Variants in PMS2 observed in about 807,000 individuals in gnomAD.
PMS2 encodes the protein mismatch repair endonuclease PMS2.
Under a neutral mutation model 90.0 loss-of-function variants are expected in PMS2, and 69 were observed. The observed-to-expected ratio is 0.77, with a 90% confidence interval of 0.63 to 0.94. The LOEUF (loss-of-function observed/expected upper bound fraction) is 0.94, where lower values mean the gene tolerates loss of function less well. Ranked by LOEUF, PMS2 falls within the 40% of genes least tolerant of loss-of-function variation. PMS2 has a pLI of 0.00. For synonymous variants in PMS2, 332 were observed against 375.1 expected, an observed-to-expected ratio of 0.89 and a Z score of 1.33; for missense variants, 966 against 1,040.2, an observed-to-expected ratio of 0.93 and a Z score of 0.98.
chr7:6,006,719 G>A (rs938889644), intron 1 of PMS2, among the ~76,000 whole-genome samples: 10 of 152,148 alleles, frequency 6.6e-5, no homozygotes, highest in South Asian at 2.1e-4. Context: ...CAATGTTTAA[G>A]TCAAAATCAT....
chr7:5,994,103 C>T (rs1429089347), intron 8 of PMS2, among the ~76,000 whole-genome samples: 3 of 151,964 alleles, frequency 2.0e-5, no homozygotes, highest in African/African-American at 4.8e-5. Context: ...TATACAGAGG[C>T]CAGGCGCGGT....
intron 8 of PMS2, among the ~76,000 whole-genome samples, chr7:5,993,862 CAAAAAAAA>C (rs61677497): frequency 1.5e-4 from 6 of 38,940 alleles, no homozygotes; most frequent in Non-Finnish European, 2.4e-4. Context: ...GACTCTGTCT[CAAAAAAAA>C]AAAAAAAAAA....
At chr7:5,990,238 C>A (rs1255455965) in intron 9 of PMS2, among the ~76,000 whole-genome samples, 1 of 152,188 alleles carries the variant, frequency 6.6e-6, no homozygotes, top group Non-Finnish European at 1.5e-5. Flanking sequence ...GAACTCACAA[C>A]CTCAAGTGAT....
chr7:5,995,510 C>CAAA, intron 8 of PMS2, 24 bp downstream of exon 8: 1 of 1,516,700 alleles, frequency 6.6e-7, no homozygotes. Context: ...AAAGAACAAA[C>CAAA]TAACACAAAA....
chr7:5,978,961 G>T (rs80044764), intron 12 of PMS2, among the ~76,000 whole-genome samples: 1 of 148,884 alleles, frequency 6.7e-6, no homozygotes, highest in Non-Finnish European at 1.5e-5. Flanking sequence ...TTAGGAGCCC[G>T]AGGCAGGCAG....
Position 6,003,732 on chromosome 7 carries a change from A to G in PMS2, c.311T>C (p.Phe104Ser), listed in dbSNP as rs876660295. The G allele has an allele frequency of 1.2e-6, 2 of 1,601,422 alleles. No individual in the cohort carries two copies. The highest frequency in any genetic ancestry group is 1.7e-6 in the Non-Finnish European group (2 of 1,179,340). Residue 104 changes from phenylalanine to serine, a missense_variant, in exon 4 of 15, where the codon TTT becomes TCT. This residue lies in a region of PMS2 where 871 missense variants were observed against 802.4 expected (regional missense o/e 1.09). Coordinates refer to ENST00000265849, the MANE Select transcript of PMS2 (RefSeq NM_000535.7). ...GCTCAGAGCTTCCCCCCGAAAGCCA[A>G]AAGTTTCAACCTGAGTTAGGTCGGC... Reference protein sequence around the residue: ...EFADLTQVETFGFRGEALSSL... With the variant: ...EFADLTQVETSGFRGEALSSL...
chr7:5,982,141 G>A (rs1782346218), intron 12 of PMS2, among the ~76,000 whole-genome samples: 1 of 150,982 alleles, frequency 6.6e-6, no homozygotes. Flanking sequence ...TCAGTCTCCT[G>A]AGTAGCTGGA....
chr7:5,990,340 C>A lies in PMS2; in HGVS notation c.989-385G>T, dbSNP rs567942040. Among the ~76,000 whole-genome samples, 3 of 152,294 alleles carry A rather than the reference C, an allele frequency of 2.0e-5. No homozygotes were observed. In the East Asian group the frequency reaches 5.8e-4, roughly 29 times the overall value. ...CTTTTAACAATAGAAATTTCCCCAT[C>A]TATTATTTCATTCACTTGTATTTAT... is the stretch of plus-strand genomic sequence containing the variant. On this transcript the variant is annotated intron_variant, in intron 9 of 14. Transcript: ENST00000265849.
At position 6,002,497 on chromosome 7, in the gene PMS2, T is replaced by C. The variant is rs1554303902; in HGVS notation, c.493A>G (p.Thr165Ala). 1.2e-6 allele frequency: 2 copies of C among 1,611,724 alleles called. No individual in the cohort carries two copies. The highest frequency in any genetic ancestry group is 1.1e-5 in the South Asian group (1 of 90,976). ...TTVSVQQLFS[T>A]LPVRHKEFQR... ...AATTCCTTATGGCGCACAGGTAGTGTGGAAAATAACTGCTGCACGCTGACT... is the reference window on the plus strand; with the variant it reads ...AATTCCTTATGGCGCACAGGTAGTGCGGAAAATAACTGCTGCACGCTGACT... The change falls in exon 5 of 15, where the codon ACA becomes GCA. Residue 165 changes from threonine (T) to alanine (A), a missense_variant. Physicochemically the swap from Thr to Ala is moderately conservative, Grantham distance 58. This residue lies in a region of PMS2 where 871 missense variants were observed against 802.4 expected (regional missense o/e 1.09). Transcript: ENST00000265849.
intron 6 of PMS2, 116 bp downstream of exon 6, chr7:5,998,988 TCAAA>T: frequency 1.1e-6 from 1 of 922,326 alleles, no homozygotes; most frequent in African/African-American, 2.6e-5. Flanking sequence ...AGACTCCCTC[TCAAA>T]AAAAAAAAAA....
rs1171876110 is a variant in PMS2 at position 5,985,003 on chromosome 7, C to A, written c.2006+1756G>T. Among the ~76,000 whole-genome samples the A allele has an allele frequency of 4.0e-5, 6 of 151,790 alleles. 1 individual carries two copies. Among genetic ancestry groups the A allele is most frequent in the African/African-American group, 1.5e-4 (6 of 41,126 alleles). On this transcript the variant is annotated intron_variant, in intron 11 of 14. Transcript: ENST00000265849. ...ATCCAAGTCATAACCAAACCAGTCC[C>A]CAAATCCTATCTTTGAGGGTCTGTT... is the stretch of plus-strand genomic sequence containing the variant.
At chr7:6,005,148 G>GC (rs978549700) in intron 2 of PMS2, among the ~76,000 whole-genome samples, 8 of 151,516 alleles carry the variant, frequency 5.3e-5, no homozygotes, top group Admixed American at 5.3e-4. Context: ...CAAATGATCA[G>GC]CCCCCCTCAG....
rs1437019711 is a variant in PMS2 at position 5,983,137 on chromosome 7, G to A, written c.2007-146C>T. On this transcript the variant is annotated intron_variant, in intron 11 of 14. Coordinates refer to ENST00000265849, the MANE Select transcript of PMS2 (RefSeq NM_000535.7). The stretch of plus-strand genomic sequence containing the variant: ...TCCCGCTTTCTTTTTTTTTGAAACA[G>A]AGTCTCGTTCTGTCACCCAGGCTAC... 3 of 1,297,480 alleles carry A rather than the reference G, an allele frequency of 2.3e-6. No homozygotes were observed. In the Admixed American group the frequency reaches 6.9e-5, roughly 30 times the overall value. The allele number at this position is 1,297,480 out of a possible 1,614,324, so 80.4% of individuals were successfully genotyped here. A position where few individuals can be genotyped will look rare whatever the true frequency, so the allele number is the denominator to read the frequency against.
chr7:5,995,950 A>G (rs1784350043), intron 7 of PMS2, among the ~76,000 whole-genome samples: 2 of 152,112 alleles, frequency 1.3e-5, no homozygotes, highest in South Asian at 2.1e-4. Context: ...TCTCGCTTCA[A>G]ATGCATTCTC....
chr7:5,999,074 A>C, intron 6 of PMS2, 34 bp downstream of exon 6: 2 of 1,593,628 alleles, frequency 1.3e-6, no homozygotes, highest in Non-Finnish European at 1.7e-6. Flanking sequence ...TCACTAGAGC[A>C]ATAAGAGGCG....
rs786203757 is a variant in PMS2, at chr7:5,987,423, C to G, written c.1342G>C (p.Gly448Arg). ...KTPEPRRSPLGQKRGMLSSST... is the reference protein window; with the variant it reads ...KTPEPRRSPLRQKRGMLSSST... ...GAAGACAGCATACCCCTTTTCTGTC[C>G]TAGAGGGCTCCTTCTTGGTTCTGGA... The change falls in exon 11 of 15, where the codon GGA (glycine) becomes CGA (arginine). Residue 448 changes from glycine to arginine, a missense_variant. By Grantham distance (125) the Gly-to-Arg change is moderately radical (BLOSUM62 -2). Coordinates refer to ENST00000265849, the MANE Select transcript of PMS2 (RefSeq NM_000535.7). 1.9e-6 allele frequency: 3 copies of G among 1,614,112 alleles called. No individual in the cohort carries two copies. The highest frequency in any genetic ancestry group is 2.5e-6 in the Non-Finnish European group (3 of 1,179,994).
chr7:5,983,115 C>T (rs1324915974), intron 11 of PMS2, 124 bp from the exon 12 acceptor site: 7 of 1,402,240 alleles, frequency 5.0e-6, no homozygotes, highest in Middle Eastern at 2.6e-4. Flanking sequence ...CTAGCCATCC[C>T]GCTTTCTTTT....
intron 14 of PMS2, among the ~76,000 whole-genome samples, chr7:5,975,899 C>T (rs1472223479): frequency 1.8e-5 from 2 of 112,250 alleles, no homozygotes; most frequent in Non-Finnish European, 3.8e-5. Context: ...TCCCTGACCA[C>T]CATCTCACCT....
At chr7:6,008,872 C>A (rs1001864242) in intron 1 of PMS2, 125 bp downstream of exon 1, 1 of 1,228,904 alleles carries the variant, frequency 8.1e-7, no homozygotes, top group Non-Finnish European at 1.2e-6. Context: ...ACTCCGGGGC[C>A]TCCAGGGGGC....
Sources: gnomAD v4.1 joint callset for allele counts (sites outside exome capture counted in the v4.1 genomes callset) on GRCh38, gnomAD v4.1.1 for gene constraint, gnomAD v4.1.1 regional missense constraint, MANE v1.5 for transcripts, NCBI Gene and HGNC (gene_info 2026-07-23, HGNC 2026-07-21) for gene names.